SI: variants seen among roughly 807,000 people sequenced by gnomAD.
SI encodes sucrase-isomaltase, intestinal.
In SI, 235 loss-of-function variants were observed where a neutral mutation model predicts 253.3. The ratio of observed to expected loss-of-function variants is 0.93; its 90% confidence interval spans 0.83 to 1.03. SI has a LOEUF of 1.03. SI is among the 50% of genes least tolerant of loss of function. The probability of loss-of-function intolerance (pLI) is 0.00; values close to 1 mark genes in which losing one functional copy is unlikely to be tolerated. For missense variants in SI, 2,442 were observed against 2,211.1 expected (o/e 1.10, Z -2.09); for synonymous variants, 819 against 712.0 (o/e 1.15, Z -2.39).
intron 40 of SI, among the ~76,000 whole-genome samples, chr3:164,995,131 T>G (rs970428709): frequency 6.6e-6 from 1 of 151,762 alleles, no homozygotes; most frequent in African/African-American, 2.4e-5. Context: ...CATTTAAATG[T>G]TTTTCGTTGA....
chr3:165,001,627 A>G (rs1718259789), intron 37 of SI, among the ~76,000 whole-genome samples: 1 of 151,384 alleles, frequency 6.6e-6, no homozygotes, highest in Admixed American at 6.6e-5. Flanking sequence ...TACCAATTGT[A>G]TCAATGTTCT....
chr3:165,036,549 C>G (rs1413292945), intron 21 of SI, 72 bp from the exon 22 acceptor site: 20 of 1,007,000 alleles, frequency 2.0e-5, no homozygotes, highest in Middle Eastern at 2.0e-4. Flanking sequence ...ATAAACAAGT[C>G]CACTTCAACC....
chr3:165,024,054 T>C (rs1006597603), intron 25 of SI, among the ~76,000 whole-genome samples: 1 of 151,382 alleles, frequency 6.6e-6, no homozygotes, highest in Non-Finnish European at 1.5e-5. Flanking sequence ...TAGCATTAAA[T>C]TGTGTTGTCT....
the SI span, among the ~76,000 whole-genome samples, chr3:165,086,022 G>T: frequency 0.59 from 88,996 of 151,886 alleles, 26,434 homozygotes; most frequent in East Asian, 0.81. Flanking sequence ...AGGAGGCCGA[G>T]GTGGGTGGAT....
intron 21 of SI, 115 bp downstream of exon 21, chr3:165,037,785 A>C: frequency 1.4e-6 from 1 of 736,362 alleles, no homozygotes; most frequent in Non-Finnish European, 2.4e-6. Flanking sequence ...TTACCTCTGT[A>C]TGTCAAATAT....
chr3:165,017,592 C>A lies in SI; in HGVS notation c.3715G>T (p.Val1239Phe). The change falls in exon 31 of 48, where the codon GTT becomes TTT. Residue 1239 changes from valine (V) to phenylalanine (F), a missense_variant. Transcript: ENST00000264382. The part of the protein sequence containing the change: ...CRYGYANTSE[V>F]RELYDAMVAA... ...ACCATAGCGTCATATAATTCCCGAA[C>A]CTCTGAAGTATTTGCATATCCATAA... 1 of 1,612,680 alleles carries A rather than the reference C, an allele frequency of 6.2e-7. No individual in the cohort carries two copies. Among genetic ancestry groups the A allele is most frequent in the South Asian group, 1.1e-5 (1 of 91,054 alleles).
intron 26 of SI, 45 bp from the exon 27 acceptor site, chr3:165,021,428 T>G (rs1410452068): frequency 7.0e-7 from 1 of 1,436,956 alleles, no homozygotes; most frequent in Admixed American, 1.7e-5. Context: ...ATTGCTGACA[T>G]AGCATGTACA....
At chr3:165,032,988 GA>G (rs1712331640) in intron 23 of SI, among the ~76,000 whole-genome samples, 1 of 151,262 alleles carries the variant, frequency 6.6e-6, no homozygotes, top group East Asian at 1.9e-4. Flanking sequence ...AAGAATGTAT[GA>G]AAAAACCCAA....
chr3:165,019,463 T>C (rs927361337), intron 28 of SI, 139 bp downstream of exon 28: 2 of 794,088 alleles, frequency 2.5e-6, no homozygotes, highest in South Asian at 1.5e-5. Flanking sequence ...TCTCAGAAAA[T>C]TGCTATAGCT....
chr3:165,048,158 T>C (rs1673569472), intron 15 of SI, among the ~76,000 whole-genome samples: 2 of 152,050 alleles, frequency 1.3e-5, no homozygotes, highest in Admixed American at 6.6e-5. Flanking sequence ...AAAATACAAA[T>C]TTGAATAAAC....
chr3:165,037,492 T>A (rs1257821182), intron 21 of SI, among the ~76,000 whole-genome samples: 4 of 151,974 alleles, frequency 2.6e-5, no homozygotes, highest in African/African-American at 9.7e-5. Flanking sequence ...AGTTCATTTA[T>A]GAACTTAAAG....
chr3:165,019,884 T>C (rs1461104465), intron 27 of SI, 114 bp from the exon 28 acceptor site: 1 of 941,468 alleles, frequency 1.1e-6, no homozygotes, highest in East Asian at 2.6e-5. Flanking sequence ...ATTTTCCATA[T>C]TCCTAATTAT....
rs561421464 is a variant in SI at position 165,030,574 on chromosome 3, T to C, written c.2892+138A>G. On this transcript the variant is annotated intron_variant, in intron 25 of 47. Transcript: ENST00000264382. ...ATAAAAGTGAATTGCCTGTCAGAGA[T>C]GCTAACTTCAAATTCCAAATGATTA... 858 of 871,566 alleles carry C rather than the reference T, an allele frequency of 9.8e-4. 3 individuals are homozygous for C. The highest frequency in any genetic ancestry group is 1.3e-3 in the South Asian group (82 of 62,050). The allele number at this position is 871,566 out of a possible 1,614,324, so 54.0% of individuals were successfully genotyped here. A position where few individuals can be genotyped will look rare whatever the true frequency, so the allele number is the denominator to read the frequency against.
intron 17 of SI, among the ~76,000 whole-genome samples, chr3:165,042,191 A>G (rs1021344369): frequency 5.3e-5 from 8 of 152,078 alleles, no homozygotes; most frequent in African/African-American, 1.7e-4. Context: ...TGTAATTTCT[A>G]TCAAAATCTC....
rs560153326 is a variant in SI at position 165,067,832 on chromosome 3, G to A, written c.484-341C>T. Among the ~76,000 whole-genome samples, 16 of 151,834 alleles carry A rather than the reference G, an allele frequency of 1.1e-4. No homozygotes were observed. In the East Asian group the frequency reaches 3.1e-3, roughly 29 times the overall value. ...TTAATCAATCTCAATGCTTTTCAGT[G>A]TTTGGGTCCTTATATAACTATATAA... On this transcript the variant is annotated intron_variant, in intron 5 of 47. Coordinates refer to ENST00000264382, the MANE Select transcript of SI (RefSeq NM_001041.4).
chr3:165,077,650 A>T (rs1335482271), intron 1 of SI, among the ~76,000 whole-genome samples: 1 of 151,662 alleles, frequency 6.6e-6, no homozygotes, highest in Admixed American at 6.6e-5. Flanking sequence ...GCGTGATGTT[A>T]TGTTGAGAAA....
intron 44 of SI, 121 bp downstream of exon 44, chr3:164,991,232 T>C (rs905644379): frequency 3.8e-6 from 4 of 1,059,434 alleles, no homozygotes; most frequent in South Asian, 2.5e-5. Flanking sequence ...TTCATGTTAC[T>C]GAGGCAGGCT....
At chr3:165,021,026 G>C (rs1711580542) in intron 27 of SI, among the ~76,000 whole-genome samples, 1 of 151,630 alleles carries the variant, frequency 6.6e-6, no homozygotes, top group Non-Finnish European at 1.5e-5. Context: ...CCAAAGTGTA[G>C]ATAAAATTGT....
intron 25 of SI, among the ~76,000 whole-genome samples, chr3:165,028,057 G>T (rs1209152473): frequency 6.6e-6 from 1 of 151,214 alleles, no homozygotes; most frequent in East Asian, 1.9e-4. Flanking sequence ...CCTCCAAAAA[G>T]CTCCTAGAAC....
Sources: gnomAD v4.1 joint callset for allele counts (sites outside exome capture counted in the v4.1 genomes callset) on GRCh38, gnomAD v4.1.1 for gene constraint, MANE v1.5 for transcripts, NCBI Gene and HGNC (gene_info 2026-07-23, HGNC 2026-07-21) for gene names.